ANTXR1: variants seen among roughly 807,000 people sequenced by gnomAD.
ANTXR1 encodes anthrax toxin receptor 1.
In ANTXR1, 19 loss-of-function variants were observed where a neutral mutation model predicts 78.1. The observed-to-expected ratio is 0.24, with a 90% CI of 0.17 to 0.36. The LOEUF (loss-of-function observed/expected upper bound fraction) is 0.36, where lower values mean the gene tolerates loss of function less well. ANTXR1 is among the 10% of genes least tolerant of loss of function. The pLI is 1.00. For synonymous variants in ANTXR1, 273 were observed against 260.5 expected (o/e 1.05, Z -0.46); for missense variants, 518 against 718.6 (o/e 0.72, Z 3.19).
intron 3 of ANTXR1, among the ~76,000 whole-genome samples, chr2:69,061,330 C>A (rs1167884323): frequency 6.6e-6 from 1 of 152,128 alleles, no homozygotes; most frequent in Non-Finnish European, 1.5e-5. Flanking sequence ...ATTATAGAGA[C>A]ATCTGCAAAA....
In ANTXR1 at chr2:69,099,397, A is replaced by G. The variant is rs559601404; in HGVS notation, c.704-3445A>G. Among the ~76,000 whole-genome samples, 7 of 152,310 alleles carry G rather than the reference A, an allele frequency of 4.6e-5. No individual in the cohort carries two copies. In the East Asian group the frequency reaches 1.4e-3, roughly 29 times the overall value. ...TTTTTTGGCTGCTTTTAATAATGCC[A>G]CTGTGACCGTTAATATGTAAGTTTT... is the stretch of plus-strand genomic sequence containing the variant. On this transcript the variant is annotated intron_variant, in intron 9 of 17. Transcript: ENST00000303714.
intron 17 of ANTXR1, among the ~76,000 whole-genome samples, chr2:69,238,607 G>T (rs1675826514): frequency 6.6e-6 from 1 of 152,148 alleles, no homozygotes; most frequent in Non-Finnish European, 1.5e-5. Context: ...TTACAAGAAT[G>T]ATTTAAGTTA....
Position 69,196,178 on chromosome 2 carries a change from C to T in ANTXR1, c.1434+2763C>T, listed in dbSNP as rs1674664830. ...GTATTAACAGCTGAAGATGTTCCAT[C>T]TGTTTTTGAGAGACATAATACCACC... On this transcript the variant is annotated intron_variant, in intron 17 of 17. Coordinates refer to ENST00000303714, the MANE Select transcript of ANTXR1 (RefSeq NM_032208.3). Among the ~76,000 whole-genome samples, 3 of 152,236 alleles carry T rather than the reference C, an allele frequency of 2.0e-5. No homozygotes were observed. The South Asian group carries it at 6.2e-4, about 31-fold the overall frequency.
At chr2:69,080,637 G>A (rs1670872806) in intron 8 of ANTXR1, among the ~76,000 whole-genome samples, 1 of 152,206 alleles carries the variant, frequency 6.6e-6, no homozygotes, top group African/African-American at 2.4e-5. Context: ...TTACAATCCA[G>A]TGGGAGAGAC....
In ANTXR1 at chr2:69,050,885, TTC is replaced by T. The variant is rs375179283; in HGVS notation, c.296+6074_296+6075del. Reference sequence around the variant, plus strand: ...TTTGTTTCTTAAATGTATTCATCAGTTCTGTTTTATATATTGTTAGATTTTAT... The same window carrying T: ...TTTGTTTCTTAAATGTATTCATCAGTTGTTTTATATATTGTTAGATTTTAT... On this transcript the variant is annotated intron_variant, in intron 3 of 17. Coordinates refer to ENST00000303714, the MANE Select transcript of ANTXR1 (RefSeq NM_032208.3). 1.2e-3 allele frequency among the ~76,000 whole-genome samples: 184 copies of T among 152,314 alleles called. 1 individual carries two copies. Among genetic ancestry groups the T allele is most frequent in the African/African-American group, 4.2e-3 (173 of 41,570 alleles).
upstream of ANTXR1, chr2:69,013,171 C>A: frequency 6.4e-6 from 1 of 157,166 alleles, no homozygotes; most frequent in South Asian, 1.1e-4. This position sits in a 1 kb window ranked among gnomAD's most constrained non-coding sequence, Gnocchi z 5.0. Flanking sequence ...GGACAAAGAA[C>A]CGTCGGGACG....
intron 12 of ANTXR1, among the ~76,000 whole-genome samples, chr2:69,132,206 C>T (rs748510048): frequency 1.3e-5 from 2 of 152,214 alleles, no homozygotes; most frequent in Non-Finnish European, 2.9e-5. Flanking sequence ...AATCTGGATG[C>T]TGCCAGCTGG....
chr2:69,145,191 G>A (rs2104420653), intron 12 of ANTXR1: 1 of 840,148 alleles, frequency 1.2e-6, no homozygotes, highest in South Asian at 1.6e-5. Flanking sequence ...CACAGCCAGA[G>A]GCAGAGTTAC....
intron 1 of ANTXR1, among the ~76,000 whole-genome samples, chr2:69,030,850 AC>A (rs1671510325): frequency 6.6e-6 from 1 of 152,232 alleles, no homozygotes; most frequent in Non-Finnish European, 1.5e-5. Flanking sequence ...GAAAAAAAAT[AC>A]AGATTTGTAT....
At chr2:69,104,788 A>G (rs1671749561) in intron 10 of ANTXR1, among the ~76,000 whole-genome samples, 1 of 152,206 alleles carries the variant, frequency 6.6e-6, no homozygotes, top group African/African-American at 2.4e-5. Context: ...AAGATGCTGT[A>G]TTAAATAAGA....
chr2:69,160,009 T>A (rs1673635800), intron 13 of ANTXR1, among the ~76,000 whole-genome samples: 1 of 152,202 alleles, frequency 6.6e-6, no homozygotes, highest in Non-Finnish European at 1.5e-5. Context: ...ACCAAAAGGA[T>A]TTACTGACAG....
chr2:69,029,783 A>T (rs538681752), intron 1 of ANTXR1, among the ~76,000 whole-genome samples: 1 of 151,984 alleles, frequency 6.6e-6, no homozygotes, highest in African/African-American at 2.4e-5. Context: ...AATGGAAAAT[A>T]TATGTGAAAA....
At chr2:69,127,323 G>A (rs531581432) in intron 12 of ANTXR1, among the ~76,000 whole-genome samples, 1 of 152,174 alleles carries the variant, frequency 6.6e-6, no homozygotes, top group Admixed American at 6.5e-5. Context: ...GTGTGGGGAA[G>A]GGTGGGATAT....
intron 1 of ANTXR1, among the ~76,000 whole-genome samples, chr2:69,029,173 G>A (rs1671449480): frequency 1.3e-5 from 2 of 151,908 alleles, no homozygotes; most frequent in Admixed American, 1.3e-4. Flanking sequence ...AGATTGCAGT[G>A]AGCCAAGTTC....
chr2:69,168,774 G>A (rs1673898643), intron 13 of ANTXR1, among the ~76,000 whole-genome samples: 1 of 152,220 alleles, frequency 6.6e-6, no homozygotes, highest in African/African-American at 2.4e-5. Flanking sequence ...TCTGAGCCAG[G>A]GTTGAGTGGG....
chr2:69,041,573 G>A (rs1369163488), intron 2 of ANTXR1, among the ~76,000 whole-genome samples: 4 of 152,262 alleles, frequency 2.6e-5, no homozygotes, highest in African/African-American at 7.2e-5. Context: ...TTGTGCAACC[G>A]TAGCAATTCA....
intron 10 of ANTXR1, among the ~76,000 whole-genome samples, chr2:69,103,971 T>G (rs1227837825): frequency 6.6e-6 from 1 of 150,952 alleles, no homozygotes; most frequent in African/African-American, 2.5e-5. Context: ...TGAGTTTTGC[T>G]TCTGTTGTCC....
chr2:69,054,479 T>A, intron 3 of ANTXR1, among the ~76,000 whole-genome samples: 1 of 151,890 alleles, frequency 6.6e-6, no homozygotes, highest in African/African-American at 2.4e-5. Flanking sequence ...CACAAAGAGG[T>A]AAAGAGGTAG....
At chr2:69,061,826 C>G (rs1217976187) in intron 3 of ANTXR1, among the ~76,000 whole-genome samples, 3 of 152,134 alleles carry the variant, frequency 2.0e-5, no homozygotes, top group Non-Finnish European at 4.4e-5. Context: ...ATTTTTCTTT[C>G]TGATTTGAGA....
Sources: allele counts gnomAD v4.1 joint callset (sites outside exome capture counted in the v4.1 genomes callset), GRCh38; gene constraint gnomAD v4.1.1; non-coding constraint Gnocchi (gnomAD v3.1); transcripts MANE v1.5; gene names NCBI Gene and HGNC (gene_info 2026-07-23, HGNC 2026-07-21).